Variants in BDP1 observed in about 807,000 individuals in gnomAD.
BDP1 encodes the protein transcription factor TFIIIB component B'' homolog.
BDP1 carries 169 observed loss-of-function variants against 266.6 expected under a neutral mutation model. The observed-to-expected ratio is 0.63, with a 90% CI of 0.56 to 0.72. BDP1 has a LOEUF of 0.72. BDP1 is among the 30% of genes least tolerant of loss of function. The probability of loss-of-function intolerance (pLI) is 0.00; values close to 1 mark genes in which losing one functional copy is unlikely to be tolerated. For missense variants in BDP1, 3,015 were observed against 3,053.8 expected, an observed-to-expected ratio of 0.99 and a Z score of 0.30; for synonymous variants, 1,090 against 1,022.4, an observed-to-expected ratio of 1.07 and a Z score of -1.26.
intron 22 of BDP1, among the ~76,000 whole-genome samples, chr5:71,518,255 G>A (rs1235204873): frequency 6.6e-6 from 1 of 152,064 alleles, no homozygotes; most frequent in Non-Finnish European, 1.5e-5. Flanking sequence ...TTTCCTCCAG[G>A]ATGTTTTCAG....
At chr5:71,483,720 A>C (rs905054200) in intron 7 of BDP1, 122 bp from the exon 8 acceptor site, 7 of 696,172 alleles carry the variant, frequency 1.0e-5, no homozygotes, top group Admixed American at 6.1e-5. Context: ...CTATTGGCAA[A>C]GACATATTAA....
At chr5:71,530,714 A>T (rs1382551156) in intron 25 of BDP1, among the ~76,000 whole-genome samples, 2 of 152,106 alleles carry the variant, frequency 1.3e-5, no homozygotes, top group Non-Finnish European at 2.9e-5. Context: ...GTCCTGTCAG[A>T]TATTACCAAA....
rs1487122673 is a variant in BDP1, at chr5:71,470,478, A to C, written c.1003A>C (p.Ile335Leu). The change falls in exon 7 of 39, where the codon ATA becomes CTA. Residue 335 changes from isoleucine to leucine, a missense_variant. Transcript: ENST00000358731. ...IGQLFPHRAR[I>L]EIKNKFKREE... ...ACAACTTTTTCCTCACAGAGCAAGG[A>C]TAGAAATTAAGGTAAAGTAAACCCA... The C allele has an allele frequency of 6.2e-7, 1 of 1,607,878 alleles. No individual in the cohort carries two copies. Among genetic ancestry groups the C allele is most frequent in the Admixed American group, 1.7e-5 (1 of 59,770 alleles).
Position 71,515,109 on chromosome 5 carries a change from G to A in BDP1, c.4636G>A (p.Val1546Ile). 6.3e-7 allele frequency: 1 copy of A among 1,595,116 alleles called. No individual in the cohort carries two copies. Among genetic ancestry groups the A allele is most frequent in the Non-Finnish European group, 8.5e-7 (1 of 1,174,294 alleles). ...QSAPVQKNDS[V>I]VSVGTNNVNT... The stretch of plus-strand genomic sequence containing the variant: ...AGCACCAGTCCAGAAAAATGACTCA[G>A]TTGTTTCTGTGGGGTAAACAGTGAT... The change falls in exon 20 of 39, where the codon GTT becomes ATT. Residue 1546 changes from valine to isoleucine, a missense_variant. Val to Ile is a conservative substitution (Grantham distance 29, BLOSUM62 3). This residue lies in a region of BDP1 where 2,383 missense variants were observed against 2,404.9 expected (regional missense o/e 0.99). Transcript: ENST00000358731.
downstream of BDP1, among the ~76,000 whole-genome samples, chr5:71,570,391 C>T (rs547573226): frequency 3.2e-4 from 49 of 152,304 alleles, no homozygotes; most frequent in South Asian, 2.7e-3. Context: ...CTCCCATCTG[C>T]CCCCTCAGTC....
rs1323556751 is a variant in BDP1 at position 71,556,859 on chromosome 5, A to T, written c.7201-27A>T. On this transcript the variant is annotated intron_variant, in intron 35 of 38. Transcript: ENST00000358731. ...TCAGTTTTACTTGATAAATTTCTAA[A>T]TTTTTTTTTAAATTTTCTTAAAATA... is the stretch of plus-strand genomic sequence containing the variant. 16 of 1,183,424 alleles carry T rather than the reference A, an allele frequency of 1.4e-5. No homozygotes were observed. The South Asian group carries it at 1.7e-4, about 12-fold the overall frequency. 73.3% of individuals were successfully genotyped at this position (1,183,424 alleles called of 1,614,324 possible).
intron 34 of BDP1, 33 bp downstream of exon 34, chr5:71,549,639 G>A (rs1476954982): frequency 1.3e-6 from 2 of 1,550,718 alleles, no homozygotes; most frequent in African/African-American, 1.4e-5. Flanking sequence ...TTTGCTAGGA[G>A]GAAAAGTGAT....
intron 25 of BDP1, among the ~76,000 whole-genome samples, chr5:71,530,296 A>G (rs1027271131): frequency 6.6e-6 from 1 of 151,944 alleles, no homozygotes; most frequent in African/African-American, 2.4e-5. Context: ...GTGCAGTGGC[A>G]TGATTTCAGC....
At chr5:71,524,687 G>A (rs1017975007) in intron 25 of BDP1, among the ~76,000 whole-genome samples, 1 of 148,482 alleles carries the variant, frequency 6.7e-6, no homozygotes, top group Non-Finnish European at 1.5e-5. Context: ...CGCAGAGGGG[G>A]ATTTGGCAGG....
intron 25 of BDP1, among the ~76,000 whole-genome samples, chr5:71,528,706 A>G (rs1284174839): frequency 6.6e-6 from 1 of 152,218 alleles, no homozygotes; most frequent in East Asian, 1.9e-4. Flanking sequence ...AGAGTAAATG[A>G]ACTAATAAAA....
At chr5:71,502,871 TTACATACATACA>T (rs576896110) in intron 15 of BDP1, 80 bp downstream of exon 15, 4 of 980,154 alleles carry the variant, frequency 4.1e-6, no homozygotes, top group Non-Finnish European at 6.2e-6. Context: ...ACCCACATAC[TTACATACATACA>T]TACATACATT....
At chr5:71,486,407 A>T in intron 8 of BDP1, 77 bp from the exon 9 acceptor site, 3 of 1,261,560 alleles carry the variant, frequency 2.4e-6, no homozygotes, top group Non-Finnish European at 3.3e-6. Context: ...TTTGCTTTTG[A>T]TGTTATGATA....
Position 71,509,894 on chromosome 5 carries a change from A to G in BDP1, c.2802A>G (p.Arg934=). The G allele has an allele frequency of 1.9e-6, 3 of 1,614,118 alleles. No homozygotes were observed. The African/African-American group carries it at 4.0e-5, about 22-fold the overall frequency. The part of the protein sequence containing the change: ...EIDKDLEEAG[R]REISPQKNGP... ...ACAAAGATTTGGAAGAAGCTGGAAG[A>G]AGAGAAATATCCCCACAGAAAAATG... The change falls in exon 17 of 39, where the codon AGA becomes AGG. Residue 934 remains arginine, a synonymous_variant. Coordinates refer to ENST00000358731, the MANE Select transcript of BDP1 (RefSeq NM_018429.3).
At chr5:71,474,633 A>G in intron 7 of BDP1, among the ~76,000 whole-genome samples, 1 of 150,620 alleles carries the variant, frequency 6.6e-6, no homozygotes, top group South Asian at 2.2e-4. Flanking sequence ...GGGTCACTTG[A>G]GGTGTGGAGT....
In BDP1 at chr5:71,497,339, G is replaced by A. The variant is rs1369274004; in HGVS notation, c.1869G>A (p.Leu623=). 2 of 1,613,714 alleles carry A rather than the reference G, an allele frequency of 1.2e-6. No individual in the cohort carries two copies. The highest frequency in any genetic ancestry group is 1.7e-6 in the Non-Finnish European group (2 of 1,179,908). Residue 623 remains leucine, a synonymous_variant, in exon 13 of 39, where the codon TTG becomes TTA. Transcript: ENST00000358731. ...RGRFQRPKPN[L]SRAGKKSVLS... ...GCTTCCAAAGACCTAAACCCAATTT[G>A]TCAAGGGCTGGGAAGAAATCAGTTC...
chr5:71,511,487 A>T (rs1227414760), intron 17 of BDP1: 1 of 159,706 alleles, frequency 6.3e-6, no homozygotes, highest in Non-Finnish European at 1.4e-5. Context: ...TAAATAAAAT[A>T]AATAAAAAAT....
intron 2 of BDP1, 114 bp downstream of exon 2, chr5:71,458,969 C>T (rs2087078600): frequency 1.0e-6 from 1 of 953,490 alleles, no homozygotes; most frequent in Admixed American, 2.7e-5. Context: ...ACATAACATC[C>T]CTTAGTCAAT....
At chr5:71,496,228 C>T (rs1331944259) in intron 12 of BDP1, among the ~76,000 whole-genome samples, 6 of 125,400 alleles carry the variant, frequency 4.8e-5, no homozygotes, top group East Asian at 2.2e-4. Flanking sequence ...GGCGACAGAG[C>T]GAGACTCCAT....
chr5:71,549,305 T>C (rs1302209699), intron 33 of BDP1, 115 bp from the exon 34 acceptor site: 2 of 858,746 alleles, frequency 2.3e-6, no homozygotes, highest in African/African-American at 3.5e-5. Flanking sequence ...CATTTATTTA[T>C]TTAGTCTTGA....
Sources: allele counts gnomAD v4.1 joint callset (sites outside exome capture counted in the v4.1 genomes callset), GRCh38; gene constraint gnomAD v4.1.1; regional missense constraint gnomAD v4.1.1; transcripts MANE v1.5; gene names NCBI Gene and HGNC (gene_info 2026-07-23, HGNC 2026-07-21).